Variants in COL6A3 observed in about 807,000 individuals in gnomAD.
The protein encoded by COL6A3 is collagen alpha-3(VI) chain.
A neutral mutation model predicts 274.1 loss-of-function variants in COL6A3; 137 were observed. The ratio of observed to expected loss-of-function variants is 0.50; its 90% CI spans 0.44 to 0.58. The LOEUF (loss-of-function observed/expected upper bound fraction) is 0.58, where lower values mean the gene tolerates loss of function less well. Ranked by LOEUF, COL6A3 falls within the 20% of genes least tolerant of loss-of-function variation. The pLI is 0.00. For synonymous variants in COL6A3, 1,650 were observed against 1,650.6 expected, an observed-to-expected ratio of 1.00 and a Z score of 0.01; for missense variants, 3,950 against 4,124.9, an observed-to-expected ratio of 0.96 and a Z score of 1.16.
intron 4 of COL6A3, among the ~76,000 whole-genome samples, chr2:237,384,643 G>A (rs1418580359): frequency 1.3e-5 from 2 of 152,108 alleles, no homozygotes; most frequent in Non-Finnish European, 1.5e-5. Flanking sequence ...TTGGGAAGTT[G>A]GCTGTCCTGT....
rs1700380513 is a variant in COL6A3, at chr2:237,333,635, CTG to C, written c.9230-89_9230-88del. 7 of 1,154,046 alleles carry C rather than the reference CTG, an allele frequency of 6.1e-6. No homozygotes were observed. In the East Asian group the frequency reaches 1.7e-4, roughly 28 times the overall value. 71.5% of individuals were successfully genotyped at this position (1,154,046 alleles called of 1,614,324 possible). A position where few individuals can be genotyped will look rare whatever the true frequency, so the allele number is the denominator to read the frequency against. On this transcript the variant is annotated intron_variant, in intron 41 of 43. Coordinates refer to ENST00000295550, the MANE Select transcript of COL6A3 (RefSeq NM_004369.4). The stretch of plus-strand genomic sequence containing the variant: ...TTAGTGACTGATATAAGGTTGCCTG[CTG>C]TGATTAATGTCTTATGTTGGGGAGT...
At chr2:237,347,762 T>A in intron 31 of COL6A3, 45 bp downstream of exon 31, 1 of 1,546,612 alleles carries the variant, frequency 6.5e-7, no homozygotes. Context: ...CATTGAGACA[T>A]ACGTTCTCAT....
rs1171003491 is a variant in COL6A3, at chr2:237,363,245, A to T, written c.6063+8T>A. ...TGGTCTGTGTATAAAGACATAAAAA[A>T]AACTCACAAGCTGCTCCGCTAGTTC... On this transcript the variant is annotated splice_region_variant and intron_variant, in intron 14 of 43. Transcript: ENST00000295550. The T allele has an allele frequency of 6.2e-7, 1 of 1,614,086 alleles. No individual in the cohort carries two copies. The highest frequency in any genetic ancestry group is 2.2e-5 in the East Asian group (1 of 44,884).
intron 1 of COL6A3, among the ~76,000 whole-genome samples, chr2:237,403,569 C>A (rs1461277906): frequency 1.3e-5 from 2 of 152,128 alleles, no homozygotes; most frequent in African/African-American, 4.8e-5. Context: ...TTTTCTGCAA[C>A]AAAGTGACAG....
rs184617787 is a variant in COL6A3 at position 237,324,824 on chromosome 2, G to A, written c.9494-10C>T. The A allele has an allele frequency of 6.3e-4, 1,023 of 1,612,988 alleles. 1 individual carries two copies. The highest frequency in any genetic ancestry group is 7.2e-4 in the Non-Finnish European group (845 of 1,179,910). ...CCGGGTTTGGCGAGCACTGAGCGTC[G>A]AGAGAGGGGGTGGGTGGGGTGAGGT... On this transcript the variant is annotated splice_polypyrimidine_tract_variant and intron_variant, in intron 43 of 43. Transcript: ENST00000295550.
Position 237,376,874 on chromosome 2 carries a change from G to C in COL6A3, c.2968C>G (p.Pro990Ala), listed in dbSNP as rs765777892. The C allele has an allele frequency of 1.9e-6, 3 of 1,614,186 alleles. No individual in the cohort carries two copies. In the South Asian group the frequency reaches 3.3e-5, roughly 18 times the overall value. The change falls in exon 7 of 44, where the codon CCA (proline) becomes GCA (alanine). Residue 990 changes from proline to alanine, a missense_variant. This residue lies in a region of COL6A3 where 1,934 missense variants were observed against 1,984.3 expected (regional missense o/e 0.97). Transcript: ENST00000295550. ...GACTCTGCAGCCAGGATAAACGCTG[G>C]AGACAGCACGATCTGCTCTAACTCA... Reference protein sequence around the residue: ...PAELEQIVLSPAFILAAESLP... With the variant: ...PAELEQIVLSAAFILAAESLP...
chr2:237,405,120 C>T lies in COL6A3; in HGVS notation c.-30-8273G>A, dbSNP rs374746278. The stretch of plus-strand genomic sequence containing the variant: ...GCTCTGAAAAGGACGGGAGATAATG[C>T]CTGTAGGACAATGCGTTATCCAGGC... On this transcript the variant is annotated intron_variant, in intron 1 of 43. Transcript: ENST00000295550. Among the ~76,000 whole-genome samples, 23 of 152,172 alleles carry T rather than the reference C, an allele frequency of 1.5e-4. 2 individuals are homozygous for T. The highest frequency in any genetic ancestry group is 5.5e-4 in the African/African-American group (23 of 41,524).
At chr2:237,392,886 C>T (rs540647330) in intron 3 of COL6A3, among the ~76,000 whole-genome samples, 25 of 152,314 alleles carry the variant, frequency 1.6e-4, no homozygotes, top group African/African-American at 5.5e-4. Context: ...ACACTGAGCA[C>T]CATTGGAAAC....
intron 40 of COL6A3, 113 bp from the exon 41 acceptor site, chr2:237,335,002 T>C: frequency 7.7e-7 from 1 of 1,301,112 alleles, no homozygotes; most frequent in Non-Finnish European, 1.1e-6. Context: ...TGACTTGAAA[T>C]TTAGCTGAGG....
chr2:237,346,584 A>G lies in COL6A3; in HGVS notation c.7030-19T>C. 1 of 1,606,698 alleles carries G rather than the reference A, an allele frequency of 6.2e-7. No individual in the cohort carries two copies. Among genetic ancestry groups the G allele is most frequent in the Non-Finnish European group, 8.5e-7 (1 of 1,173,396 alleles). On this transcript the variant is annotated intron_variant, in intron 31 of 43. Coordinates refer to ENST00000295550, the MANE Select transcript of COL6A3 (RefSeq NM_004369.4). The stretch of plus-strand genomic sequence containing the variant: ...AATTTCCCTAGAGGGAGCAGAACAA[A>G]CATTGTTCAACTGTGTCAGAAAGTG...
At chr2:237,403,967 AT>A (rs1225446883) in intron 1 of COL6A3, among the ~76,000 whole-genome samples, 1 of 151,578 alleles carries the variant, frequency 6.6e-6, no homozygotes, top group Non-Finnish European at 1.5e-5. Flanking sequence ...GTTTCTTCAA[AT>A]AAAAAAAAAA....
chr2:237,372,159 C>A lies in COL6A3; in HGVS notation c.3858G>T (p.Leu1286=). The change falls in exon 9 of 44, where the codon CTG becomes CTT. Residue 1286 remains leucine (L), a synonymous_variant. Transcript: ENST00000295550. ...FSDDPKVEFL[L]NAHSSKDEVQ... is the part of the protein sequence containing the mutation. ...CTTCATCCTTGCTGGAATGGGCGTT[C>A]AGCAGGAACTCCACCTTGGGGTCAT... The A allele has an allele frequency of 6.2e-7, 1 of 1,614,162 alleles. No homozygotes were observed. The highest frequency in any genetic ancestry group is 1.7e-5 in the Admixed American group (1 of 60,028).
At chr2:237,353,979 C>T (rs2077262351) in intron 24 of COL6A3, among the ~76,000 whole-genome samples, 1 of 151,930 alleles carries the variant, frequency 6.6e-6, no homozygotes, top group Non-Finnish European at 1.5e-5. Flanking sequence ...AGCTGCCTCC[C>T]ATTCTATTCT....
At chr2:237,389,264 A>C (rs758154188) in intron 3 of COL6A3, among the ~76,000 whole-genome samples, 19 of 152,228 alleles carry the variant, frequency 1.2e-4, no homozygotes, top group Non-Finnish European at 4.4e-5. Context: ...TCACAGCATC[A>C]GTTCGAATGT....
In COL6A3 at chr2:237,344,736, T is replaced by C. The variant is rs1462967965; in HGVS notation, c.7282A>G (p.Ile2428Val). The C allele has an allele frequency of 1.9e-6, 3 of 1,602,174 alleles. No individual in the cohort carries two copies. The highest frequency in any genetic ancestry group is 1.1e-5 in the South Asian group (1 of 89,562). ...TCAGCAATGGTCAGGTCATTCACAA[T>C]ACTCAAGACCACATCTCGCATCCGG... The part of the protein sequence containing the change: ...FGRMRDVVLS[I>V]VNDLTIAESN... The change falls in exon 36 of 44, where the codon ATT (isoleucine) becomes GTT (valine). Residue 2428 changes from isoleucine (I) to valine (V), a missense_variant. Around this residue, in one of 5 missense-constraint regions of COL6A3, gnomAD observed 1,284 missense variants for 1,349.7 expected, o/e 0.95. Coordinates refer to ENST00000295550, the MANE Select transcript of COL6A3 (RefSeq NM_004369.4). The surrounding 1 kb of genome is among the most constrained non-coding windows in gnomAD (Gnocchi z 4.8).
intron 12 of COL6A3, among the ~76,000 whole-genome samples, chr2:237,365,397 G>C (rs2106348693): frequency 1.3e-5 from 2 of 152,172 alleles, no homozygotes; most frequent in Middle Eastern, 6.8e-3. Context: ...CATACACACA[G>C]AGAAATGAAA....
At position 237,369,038 on chromosome 2, in the gene COL6A3, A is replaced by C. The variant is rs779603740; in HGVS notation, c.4425T>G (p.Val1475=). 6.2e-7 allele frequency: 1 copy of C among 1,614,086 alleles called. No homozygotes were observed. The highest frequency in any genetic ancestry group is 1.3e-5 in the African/African-American group (1 of 74,918). The change falls in exon 10 of 44, where the codon GTT becomes GTG. Residue 1475 remains valine, a synonymous_variant. Coordinates refer to ENST00000295550, the MANE Select transcript of COL6A3 (RefSeq NM_004369.4). ...CATCATTGCTGAACTGCACGACCCC[A>C]ACTCTCACTTTACTGGGGCCGATGT... ...RLNIGPSKVR[V]GVVQFSNDVF...
chr2:237,341,676 A>G (rs1291954232), intron 37 of COL6A3, among the ~76,000 whole-genome samples: 1 of 152,114 alleles, frequency 6.6e-6, no homozygotes, highest in African/African-American at 2.4e-5. Context: ...CTAACCTAAA[A>G]TCTTTGTAGC....
chr2:237,341,137 G>C lies in COL6A3; in HGVS notation c.7779C>G (p.Ile2593Met). ...TCHVCLDICNIDPSCGFGSWR... is the reference protein window; with the variant it reads ...TCHVCLDICNMDPSCGFGSWR... ...AACTGCCAAATCCACAGGATGGGTC[G>C]ATGTTGCAGATGTCTAGAAAGAAGC... Residue 2593 changes from isoleucine to methionine, a missense_variant, in exon 38 of 44, where the codon ATC becomes ATG. Physicochemically the swap from Ile to Met is conservative, Grantham distance 10. Coordinates refer to ENST00000295550, the MANE Select transcript of COL6A3 (RefSeq NM_004369.4). 6.2e-7 allele frequency: 1 copy of C among 1,614,136 alleles called. No homozygotes were observed. Among genetic ancestry groups the C allele is most frequent in the South Asian group, 1.1e-5 (1 of 91,086 alleles).
Sources: gnomAD v4.1 joint callset for allele counts (sites outside exome capture counted in the v4.1 genomes callset) on GRCh38, gnomAD v4.1.1 for gene constraint, gnomAD v4.1.1 regional missense constraint, Gnocchi (gnomAD v3.1) non-coding constraint, MANE v1.5 for transcripts, NCBI Gene and HGNC (gene_info 2026-07-23, HGNC 2026-07-21) for gene names.